ELL: variants seen among roughly 807,000 people sequenced by gnomAD.
The protein encoded by ELL is elongation factor for RNA polymerase II, also known as RNA polymerase II elongation factor ELL.
Under a neutral mutation model 64.0 loss-of-function variants are expected in ELL, and 18 were observed. That is an observed-to-expected ratio of 0.28 (90% CI 0.19 to 0.42). ELL has a LOEUF of 0.42. Among genes scored for constraint, ELL ranks in the 10% least tolerant of loss-of-function variants. The pLI, the probability that ELL is intolerant of heterozygous loss-of-function variation, is 1.00. For missense variants in ELL, 797 were observed against 870.4 expected (o/e 0.92, Z 1.06); for synonymous variants, 399 against 376.2 (o/e 1.06, Z -0.70).
chr19:18,494,495 G>A (rs1299348239), intron 1 of ELL, among the ~76,000 whole-genome samples: 4 of 151,922 alleles, frequency 2.6e-5, no homozygotes, highest in Admixed American at 2.0e-4. Flanking sequence ...CCAGGTTCAA[G>A]CAATTCTGTC....
chr19:18,493,497 G>C (rs1297041836), intron 1 of ELL, among the ~76,000 whole-genome samples: 2 of 152,258 alleles, frequency 1.3e-5, no homozygotes, highest in African/African-American at 4.8e-5. Context: ...CAGAGACCCT[G>C]AACTGGGAGT....
chr19:18,488,610 A>G (rs556512000), intron 1 of ELL, among the ~76,000 whole-genome samples: 2 of 152,292 alleles, frequency 1.3e-5, no homozygotes, highest in Admixed American at 6.5e-5. Context: ...CACACCCTCA[A>G]AAGTCTGATC....
chr19:18,480,961 C>T (rs981089280), intron 1 of ELL, among the ~76,000 whole-genome samples: 6 of 152,156 alleles, frequency 3.9e-5, no homozygotes, highest in Non-Finnish European at 5.9e-5. Context: ...TCTGCATTCA[C>T]GAAGGTGCAT....
intron 1 of ELL, among the ~76,000 whole-genome samples, chr19:18,498,864 C>T (rs1975720955): frequency 6.6e-6 from 1 of 152,162 alleles, no homozygotes; most frequent in Non-Finnish European, 1.5e-5. Flanking sequence ...GCAGGAGAAT[C>T]GCTTGAAACC....
intron 2 of ELL, 155 bp downstream of exon 2, chr19:18,472,680 G>A: frequency 1.1e-6 from 1 of 889,118 alleles, no homozygotes; most frequent in Non-Finnish European, 1.7e-6. Flanking sequence ...CCCCAGCCAA[G>A]GGGCTATCCT....
intron 1 of ELL, among the ~76,000 whole-genome samples, chr19:18,512,842 G>T (rs1401977666): frequency 1.3e-5 from 2 of 152,160 alleles, no homozygotes; most frequent in Non-Finnish European, 2.9e-5. Context: ...CAAATTGTCA[G>T]TGGGAGCAGC....
chr19:18,516,527 T>G (rs939715613), intron 1 of ELL, among the ~76,000 whole-genome samples: 1 of 151,142 alleles, frequency 6.6e-6, no homozygotes, highest in Non-Finnish European at 1.5e-5. Flanking sequence ...GCTCGTGACA[T>G]GAGGGGCCCA....
At chr19:18,464,838 T>C (rs189548201) in intron 4 of ELL, among the ~76,000 whole-genome samples, 26 of 152,294 alleles carry the variant, frequency 1.7e-4, no homozygotes, top group African/African-American at 6.3e-4. Flanking sequence ...TCAAGGCCTG[T>C]TGGCTTCTCA....
chr19:18,485,915 G>A (rs1199502303), intron 1 of ELL, among the ~76,000 whole-genome samples: 1 of 151,878 alleles, frequency 6.6e-6, no homozygotes, highest in Non-Finnish European at 1.5e-5. Flanking sequence ...GAACCCAGGA[G>A]GCAGAGGTGG....
At position 18,450,638 on chromosome 19, in the gene ELL, T is replaced by C; in HGVS notation, c.1304A>G (p.Gln435Arg). The C allele has an allele frequency of 6.2e-7, 1 of 1,606,270 alleles. No individual in the cohort carries two copies. The highest frequency in any genetic ancestry group is 8.5e-7 in the Non-Finnish European group (1 of 1,177,062). The change falls in exon 8 of 12, where the codon CAG (glutamine) becomes CGG (arginine). Residue 435 changes from glutamine to arginine, a missense_variant. Physicochemically the swap from Gln to Arg is conservative, Grantham distance 43 (BLOSUM62 1). Coordinates refer to ENST00000262809, the MANE Select transcript of ELL (RefSeq NM_006532.4). ...GGGGCTGCCGTGTGGCCTGCTGGGC[T>C]GGGCACAGTCCGTCAGCAGGGGCAG... Reference protein sequence around the residue: ...LGLPLLTDCAQPSRPHGSPSR... With the variant: ...LGLPLLTDCARPSRPHGSPSR...
In ELL at chr19:18,461,750, C is replaced by T. The variant is rs776875990; in HGVS notation, c.572G>A (p.Ser191Asn). 3 of 1,614,036 alleles carry T rather than the reference C, an allele frequency of 1.9e-6. No homozygotes were observed. The highest frequency in any genetic ancestry group is 3.3e-5 in the Admixed American group (2 of 60,038). ...PINLASAIRKSGASAVSGGSG... is the reference protein window; with the variant it reads ...PINLASAIRKNGASAVSGGSG... ...GCCCCCACTCACGGCACTGGCACCA[C>T]TCTTCCTGATGGCACTCGCCAAGTT... is the stretch of plus-strand genomic sequence containing the variant. The change falls in exon 5 of 12, where the codon AGT becomes AAT. Residue 191 changes from serine to asparagine, a missense_variant. Transcript: ENST00000262809.
At chr19:18,512,126 G>A (rs1976037844) in intron 1 of ELL, among the ~76,000 whole-genome samples, 1 of 150,536 alleles carries the variant, frequency 6.6e-6, no homozygotes, top group Non-Finnish European at 1.5e-5. Context: ...CTGCACTCCA[G>A]TCTAGGCGAC....
chr19:18,471,011 C>A (rs2144928104), intron 2 of ELL: 3 of 456,578 alleles, frequency 6.6e-6, no homozygotes, highest in East Asian at 1.4e-4. Flanking sequence ...CATATCCCCA[C>A]ATCCAGCTGT....
intron 1 of ELL, among the ~76,000 whole-genome samples, chr19:18,517,219 C>T (rs551643339): frequency 3.0e-4 from 45 of 152,156 alleles, no homozygotes; most frequent in Non-Finnish European, 5.1e-4. Flanking sequence ...CAGAGCAAAC[C>T]GGGAGATCCA....
At position 18,442,976 on chromosome 19, in the gene ELL, A is replaced by G. The variant is rs1974325781; in HGVS notation, c.*1776T>C. On this transcript the variant is annotated 3_prime_UTR_variant, in exon 12 of 12. Transcript: ENST00000262809. Reference sequence around the variant, plus strand: ...ACTTTTCTTAGCTTCATAATTCCTTAAAAGGAGAACAAATAAACAACAAAA... The same window carrying G: ...ACTTTTCTTAGCTTCATAATTCCTTGAAAGGAGAACAAATAAACAACAAAA... 4.3e-6 allele frequency: 1 copy of G among 231,782 alleles called. No homozygotes were observed. The highest frequency in any genetic ancestry group is 8.5e-6 in the Non-Finnish European group (1 of 117,024). 14.4% of individuals were successfully genotyped at this position (231,782 alleles called of 1,614,324 possible).
chr19:18,492,602 A>G (rs968392722), intron 1 of ELL, among the ~76,000 whole-genome samples: 2 of 152,216 alleles, frequency 1.3e-5, no homozygotes, highest in African/African-American at 4.8e-5. Context: ...TCAATCTGTT[A>G]CTGGGTCACA....
chr19:18,452,637 C>T (rs1199422567), intron 6 of ELL, among the ~76,000 whole-genome samples: 1 of 152,218 alleles, frequency 6.6e-6, no homozygotes, highest in Non-Finnish European at 1.5e-5. Context: ...GCTGCAGGGC[C>T]ATCCCCCACA....
chr19:18,461,581 C>T lies in ELL; in HGVS notation c.741G>A (p.Gln247=). The T allele has an allele frequency of 6.3e-7, 1 of 1,596,900 alleles. No individual in the cohort carries two copies. Among genetic ancestry groups the T allele is most frequent in the Non-Finnish European group, 8.5e-7 (1 of 1,175,652 alleles). Residue 247 remains glutamine (Q), a synonymous_variant, in exon 5 of 12, where the codon CAG becomes CAA. Coordinates refer to ENST00000262809, the MANE Select transcript of ELL (RefSeq NM_006532.4). ...ADKDALDGLL[Q]QVANMSAKDG... ...AAGACATCGGGGCGGCACCCACCTG[C>T]TGGAGGAGGCCATCCAGCGCGTCCT...
At chr19:18,495,559 G>T (rs78036311) in intron 1 of ELL, among the ~76,000 whole-genome samples, 17,348 of 152,176 alleles carry the variant, frequency 0.11, 1,084 homozygotes, top group South Asian at 0.2. Flanking sequence ...CCGCATGAGG[G>T]TGCCCAGCTC....
Sources: gnomAD v4.1 joint callset for allele counts (sites outside exome capture counted in the v4.1 genomes callset) on GRCh38, gnomAD v4.1.1 for gene constraint, MANE v1.5 for transcripts, NCBI Gene and HGNC (gene_info 2026-07-23, HGNC 2026-07-21) for gene names.